The following AP3M1 variants were observed in gnomAD, a reference collection of about 807,000 sequenced individuals.
AP3M1 encodes the protein AP-3 complex subunit mu-1.
A neutral mutation model predicts 42.6 loss-of-function variants in AP3M1; 29 were observed. The ratio of observed to expected loss-of-function variants is 0.68; its 90% CI spans 0.51 to 0.93. AP3M1 has a LOEUF of 0.93. Among genes scored for constraint, AP3M1 ranks in the 40% least tolerant of loss-of-function variants. The pLI is 0.00. For synonymous variants in AP3M1, 178 were observed against 175.3 expected (o/e 1.02, Z -0.12); for missense variants, 416 against 510.2 (o/e 0.82, Z 1.78).
chr10:74,133,120 A>G (rs1466473638), intron 4 of AP3M1, among the ~76,000 whole-genome samples: 1 of 151,660 alleles, frequency 6.6e-6, no homozygotes. Context: ...CAGGGCCGGG[A>G]GCGGTGGCTC....
At chr10:74,144,697 C>G (rs12414299) in intron 1 of AP3M1, among the ~76,000 whole-genome samples, 2 of 148,560 alleles carry the variant, frequency 1.3e-5, no homozygotes, top group African/African-American at 5.0e-5. Context: ...GAGTCTTGCT[C>G]TATTGCCCAG....
chr10:74,143,644 C>T (rs1443680276), intron 1 of AP3M1, among the ~76,000 whole-genome samples: 2 of 152,178 alleles, frequency 1.3e-5, no homozygotes, highest in African/African-American at 4.8e-5. Context: ...CACAATGCTA[C>T]ACCATAAATA....
intron 6 of AP3M1, among the ~76,000 whole-genome samples, chr10:74,127,912 C>T (rs964076907): frequency 4.0e-5 from 6 of 151,366 alleles, no homozygotes; most frequent in Admixed American, 4.0e-4. Flanking sequence ...ACCAGTCTGA[C>T]CAACATGGAA....
Position 74,129,131 on chromosome 10 carries a change from T to C in AP3M1, c.780A>G (p.Ile260Met). Residue 260 changes from isoleucine (I) to methionine (M), a missense_variant, in exon 6 of 9, where the codon ATA becomes ATG. By Grantham distance (10) the Ile-to-Met change is conservative (BLOSUM62 1). Transcript: ENST00000355264. The part of the protein sequence containing the change: ...FIPPDGNFRL[I>M]SYRVSSQNLV... Reference sequence around the variant, plus strand: ...ACTTTTGTGAGCTGACACGGTATGATATGAGTCGGAAATTTCCATCTGGAG... The same window carrying C: ...ACTTTTGTGAGCTGACACGGTATGACATGAGTCGGAAATTTCCATCTGGAG... The C allele has an allele frequency of 1.2e-6, 2 of 1,614,104 alleles. No homozygotes were observed. The highest frequency in any genetic ancestry group is 1.7e-6 in the Non-Finnish European group (2 of 1,180,006).
At chr10:74,134,853 A>G (rs1292344536) in intron 3 of AP3M1, among the ~76,000 whole-genome samples, 4 of 152,248 alleles carry the variant, frequency 2.6e-5, no homozygotes, top group African/African-American at 9.6e-5. Flanking sequence ...GTTTAAAGAA[A>G]AACACCTGTC....
chr10:74,132,712 TA>T (rs11388304), intron 4 of AP3M1, among the ~76,000 whole-genome samples: 5,914 of 144,578 alleles, frequency 0.041, 408 homozygotes, highest in African/African-American at 0.14. Context: ...ACCCTGTACT[TA>T]AAAAAAAAAA....
intron 2 of AP3M1, 149 bp from the exon 3 acceptor site, chr10:74,136,952 T>C: frequency 2.0e-6 from 1 of 498,368 alleles, no homozygotes; most frequent in East Asian, 3.6e-5. Context: ...GAAAAAACCC[T>C]CTATAGTCCG....
intron 8 of AP3M1, among the ~76,000 whole-genome samples, 187 bp from the exon 9 acceptor site, chr10:74,124,097 G>A (rs1840547200): frequency 6.6e-6 from 1 of 152,130 alleles, no homozygotes; most frequent in African/African-American, 2.4e-5. Flanking sequence ...TTCCCACACA[G>A]GCAGGGAATG....
chr10:74,137,458 G>A (rs186526411), intron 2 of AP3M1, among the ~76,000 whole-genome samples: 1 of 150,640 alleles, frequency 6.6e-6, no homozygotes, highest in East Asian at 1.9e-4. Context: ...TAAATTATTT[G>A]GTATATTCCG....
At chr10:74,138,459 G>T in intron 1 of AP3M1, 77 bp from the exon 2 acceptor site, 1 of 1,315,148 alleles carries the variant, frequency 7.6e-7, no homozygotes, top group South Asian at 1.5e-5. Context: ...TATACACCTT[G>T]ACCAAGTGGG....
chr10:74,141,104 C>T (rs1330734304), intron 1 of AP3M1, among the ~76,000 whole-genome samples: 1 of 151,960 alleles, frequency 6.6e-6, no homozygotes, highest in Non-Finnish European at 1.5e-5. Context: ...TATTTGAAAC[C>T]ATATATCTTA....
At chr10:74,130,919 T>C (rs1003916142) in intron 4 of AP3M1, among the ~76,000 whole-genome samples, 2 of 151,826 alleles carry the variant, frequency 1.3e-5, no homozygotes, top group East Asian at 2.0e-4. Context: ...GGGACCAGCC[T>C]GGGCAACATG....
chr10:74,142,011 G>A (rs528086444), intron 1 of AP3M1, among the ~76,000 whole-genome samples: 3 of 151,844 alleles, frequency 2.0e-5, no homozygotes, highest in African/African-American at 4.8e-5. Flanking sequence ...GTGAGACACC[G>A]CACCTGGCCA....
At chr10:74,143,516 T>C (rs1841223791) in intron 1 of AP3M1, among the ~76,000 whole-genome samples, 1 of 152,188 alleles carries the variant, frequency 6.6e-6, no homozygotes, top group Non-Finnish European at 1.5e-5. Flanking sequence ...CAGTCCCCAT[T>C]CAAAGTGTTT....
intron 3 of AP3M1, 51 bp from the exon 4 acceptor site, chr10:74,134,215 G>T: frequency 6.5e-7 from 1 of 1,544,124 alleles, no homozygotes; most frequent in South Asian, 1.2e-5. Flanking sequence ...ACAGTCATGA[G>T]AAAATTTATT....
chr10:74,123,679 T>G lies in AP3M1; in HGVS notation c.*131A>C. ...ATCCTACATTGATAACTAAGTAACT[T>G]TGTTAGCGGTGTGTAGCTAGACACA... On this transcript the variant is annotated 3_prime_UTR_variant, in exon 9 of 9. Transcript: ENST00000355264. 1.4e-6 allele frequency: 1 copy of G among 715,622 alleles called. No individual in the cohort carries two copies. The highest frequency in any genetic ancestry group is 2.4e-6 in the Non-Finnish European group (1 of 409,140). 44.3% of individuals were successfully genotyped at this position (715,622 alleles called of 1,614,324 possible). A position where few individuals can be genotyped will look rare whatever the true frequency, so the allele number is the denominator to read the frequency against.
At chr10:74,130,097 G>T in intron 4 of AP3M1, 105 bp from the exon 5 acceptor site, 2 of 836,588 alleles carry the variant, frequency 2.4e-6, no homozygotes, top group Non-Finnish European at 3.8e-6. Flanking sequence ...TAGAGACAGA[G>T]TCTTGCTCTG....
intron 1 of AP3M1, among the ~76,000 whole-genome samples, chr10:74,147,128 C>A (rs1841355438): frequency 6.6e-6 from 1 of 152,002 alleles, no homozygotes; most frequent in Non-Finnish European, 1.5e-5. Context: ...ACTAAAAATA[C>A]CAACAAATTA....
chr10:74,149,267 GTTTTTTTTTTT>G lies in AP3M1; in HGVS notation c.-4+1477_-4+1487del, dbSNP rs57279906. ...GAGAGCTTTCCTAAAGATACGTAAG[GTTTTTTTTTTT>G]TTTTTTTTTTTTTTTTTTTTTTTTT... On this transcript the variant is annotated intron_variant, in intron 1 of 8. Coordinates refer to ENST00000355264, the MANE Select transcript of AP3M1 (RefSeq NM_012095.6). Among the ~76,000 whole-genome samples, 97 of 60,056 alleles carry G rather than the reference GTTTTTTTTTTT, an allele frequency of 1.6e-3. 1 individual carries two copies. The highest frequency in any genetic ancestry group is 2.4e-3 in the East Asian group (5 of 2,074). The allele number at this position is 60,056 out of a possible 152,430, so 39.4% of individuals were successfully genotyped here. A position where few individuals can be genotyped will look rare whatever the true frequency, so the allele number is the denominator to read the frequency against.
Sources: gnomAD v4.1 joint callset for allele counts (sites outside exome capture counted in the v4.1 genomes callset) on GRCh38, gnomAD v4.1.1 for gene constraint, MANE v1.5 for transcripts, NCBI Gene and HGNC (gene_info 2026-07-23, HGNC 2026-07-21) for gene names.